The following GLIS3 variants were observed in gnomAD, a reference collection of about 807,000 sequenced individuals.
The protein encoded by GLIS3 is zinc finger protein GLIS3.
Under a neutral mutation model 78.6 loss-of-function variants are expected in GLIS3, and 53 were observed. That is an observed-to-expected ratio of 0.67 (90% CI 0.54 to 0.85). GLIS3 has a LOEUF of 0.85. Among genes scored for constraint, GLIS3 ranks in the 40% least tolerant of loss-of-function variants. GLIS3 has a pLI of 0.00. For missense variants in GLIS3, 1,703 were observed against 1,231.1 expected, an observed-to-expected ratio of 1.38 and a Z score of -5.74; for synonymous variants, 684 against 509.9, an observed-to-expected ratio of 1.34 and a Z score of -4.60.
At chr9:4,328,242 C>G (rs1817631414) in intron 2 of GLIS3, among the ~76,000 whole-genome samples, 1 of 152,178 alleles carries the variant, frequency 6.6e-6, no homozygotes, top group African/African-American at 2.4e-5. Flanking sequence ...AGAACCATCT[C>G]CATGCCTCCT....
intron 4 of GLIS3, among the ~76,000 whole-genome samples, chr9:3,980,524 T>C (rs1819173320): frequency 6.6e-6 from 1 of 152,302 alleles, no homozygotes; most frequent in Non-Finnish European, 1.5e-5. Context: ...CGAGTTTGCT[T>C]CCCAGATGAC....
At chr9:3,943,556 T>G (rs919039963) in intron 4 of GLIS3, among the ~76,000 whole-genome samples, 1 of 152,234 alleles carries the variant, frequency 6.6e-6, no homozygotes, top group African/African-American at 2.4e-5. Flanking sequence ...CATTGGAAAA[T>G]TATTTAGGGT....
chr9:4,143,345 T>C (rs2130997435), intron 2 of GLIS3, among the ~76,000 whole-genome samples: 1 of 152,086 alleles, frequency 6.6e-6, no homozygotes, highest in South Asian at 2.1e-4. Context: ...GGCGGGCAGA[T>C]CACCCGAGGT....
At chr9:4,232,169 G>A (rs1822312981) in intron 2 of GLIS3, among the ~76,000 whole-genome samples, 1 of 152,088 alleles carries the variant, frequency 6.6e-6, no homozygotes, top group Non-Finnish European at 1.5e-5. Context: ...CTTGAGGCCA[G>A]GGGTTCAAGA....
chr9:4,358,716 G>C, the GLIS3 span, among the ~76,000 whole-genome samples: 1 of 152,204 alleles, frequency 6.6e-6, no homozygotes, highest in African/African-American at 2.4e-5. Context: ...GCACACGTGT[G>C]TATGTGTGCA....
Position 3,932,342 on chromosome 9 carries a change from A to G in GLIS3, c.1983+18T>C. ...TGAACATGCTTTTCCCGACTGGAAGATTCTCTTTTAAAATTACCTTTTTCC... is the reference window on the plus strand; with the variant it reads ...TGAACATGCTTTTCCCGACTGGAAGGTTCTCTTTTAAAATTACCTTTTTCC... On this transcript the variant is annotated intron_variant, in intron 6 of 10. Coordinates refer to ENST00000381971, the MANE Select transcript of GLIS3 (RefSeq NM_001042413.2). 9 of 1,571,654 alleles carry G rather than the reference A, an allele frequency of 5.7e-6. No homozygotes were observed. The highest frequency in any genetic ancestry group is 4.4e-6 in the Non-Finnish European group (5 of 1,141,442).
At chr9:4,368,328 C>G in the GLIS3 span, among the ~76,000 whole-genome samples, 1 of 147,478 alleles carries the variant, frequency 6.8e-6, no homozygotes, top group Non-Finnish European at 1.5e-5. Flanking sequence ...AGGGAGCGCA[C>G]AAGAACCCTG....
chr9:3,991,405 G>A (rs1820222728), intron 4 of GLIS3, among the ~76,000 whole-genome samples: 1 of 152,082 alleles, frequency 6.6e-6, no homozygotes, highest in Non-Finnish European at 1.5e-5. Context: ...ACAAGAGACA[G>A]CATAAATAAA....
At chr9:4,488,036 G>A in the GLIS3 span, among the ~76,000 whole-genome samples, 10 of 152,132 alleles carry the variant, frequency 6.6e-5, no homozygotes, top group Non-Finnish European at 1.2e-4. Flanking sequence ...AGGCAAAGAT[G>A]ACCATTGTTA....
chr9:4,126,546 C>T (rs1456775318), intron 2 of GLIS3, among the ~76,000 whole-genome samples: 1 of 152,008 alleles, frequency 6.6e-6, no homozygotes, highest in Non-Finnish European at 1.5e-5. Flanking sequence ...AGCATGGTAA[C>T]CAAATTGGAC....
intron 4 of GLIS3, among the ~76,000 whole-genome samples, chr9:4,080,232 T>A (rs1450404896): frequency 1.3e-5 from 2 of 152,192 alleles, no homozygotes; most frequent in African/African-American, 2.4e-5. Flanking sequence ...CATTCTTGCA[T>A]TCGTAAGCAT....
intron 2 of GLIS3, among the ~76,000 whole-genome samples, chr9:4,163,172 A>C (rs1432465324): frequency 1.3e-5 from 2 of 152,244 alleles, no homozygotes; most frequent in Non-Finnish European, 2.9e-5. Flanking sequence ...TTAGGGTTTG[A>C]ACACAGATCT....
At chr9:4,314,068 G>A (rs4529510) in intron 2 of GLIS3, among the ~76,000 whole-genome samples, 1 of 152,062 alleles carries the variant, frequency 6.6e-6, no homozygotes, top group Non-Finnish European at 1.5e-5. Flanking sequence ...TTATTAGCTG[G>A]TGTGACCCGG....
chr9:4,409,198 CT>C, the GLIS3 span, among the ~76,000 whole-genome samples: 1 of 152,114 alleles, frequency 6.6e-6, no homozygotes, highest in Non-Finnish European at 1.5e-5. Flanking sequence ...TGAGACCATT[CT>C]TTTGGAGTCT....
the GLIS3 span, among the ~76,000 whole-genome samples, chr9:4,487,355 G>A: frequency 1.8e-4 from 27 of 152,082 alleles, no homozygotes; most frequent in African/African-American, 6.3e-4. Context: ...AGTGTTCTAA[G>A]CCTTTCACAC....
intron 6 of GLIS3, among the ~76,000 whole-genome samples, chr9:3,912,382 T>C (rs901063754): frequency 1.3e-5 from 2 of 152,158 alleles, no homozygotes; most frequent in African/African-American, 2.4e-5. Context: ...ATGTAGCCAG[T>C]GTTCACCCTC....
intron 2 of GLIS3, among the ~76,000 whole-genome samples, chr9:4,209,627 G>C (rs369449787): frequency 1.3e-5 from 2 of 152,120 alleles, no homozygotes; most frequent in Admixed American, 1.3e-4. Context: ...GATAGCACTT[G>C]TCAGGAGAGG....
chr9:3,916,788 A>C (rs1824542084), intron 6 of GLIS3, among the ~76,000 whole-genome samples: 1 of 152,226 alleles, frequency 6.6e-6, no homozygotes, highest in African/African-American at 2.4e-5. Flanking sequence ...AAAATATTTT[A>C]AATGAGACTT....
chr9:4,038,861 A>G (rs1417658036), intron 4 of GLIS3, among the ~76,000 whole-genome samples: 10 of 152,198 alleles, frequency 6.6e-5, no homozygotes, highest in Admixed American at 6.5e-4. Context: ...AAACATCATG[A>G]AGATGACAGA....
Sources: gnomAD v4.1 joint callset for allele counts (sites outside exome capture counted in the v4.1 genomes callset) on GRCh38, gnomAD v4.1.1 for gene constraint, MANE v1.5 for transcripts, NCBI Gene and HGNC (gene_info 2026-07-23, HGNC 2026-07-21) for gene names.